The following SYT9 variants were observed in gnomAD, a reference collection of about 807,000 sequenced individuals.
SYT9 encodes synaptotagmin 9, also known as synaptotagmin-9.
Under a neutral mutation model 48.4 loss-of-function variants are expected in SYT9, and 22 were observed. The observed-to-expected ratio is 0.45, with a 90% CI of 0.32 to 0.65. The LOEUF is 0.65. SYT9 is among the 30% of genes least tolerant of loss of function. The probability of loss-of-function intolerance (pLI) is 0.03; values close to 1 mark genes in which losing one functional copy is unlikely to be tolerated. For synonymous variants in SYT9, 265 were observed against 245.0 expected (o/e 1.08, Z -0.76); for missense variants, 577 against 622.0 (o/e 0.93, Z 0.77).
chr11:7,305,795 C>T (rs1441444501), intron 2 of SYT9, among the ~76,000 whole-genome samples: 1 of 152,164 alleles, frequency 6.6e-6, no homozygotes, highest in Non-Finnish European at 1.5e-5. Flanking sequence ...CTCAGGGTTC[C>T]CAGTGCACGA....
chr11:7,350,974 A>G (rs181917151), intron 3 of SYT9, among the ~76,000 whole-genome samples: 3,775 of 152,328 alleles, frequency 0.025, 117 homozygotes, highest in African/African-American at 0.067. Flanking sequence ...ATTAGGCGTG[A>G]AGTAAGTATC....
intron 3 of SYT9, among the ~76,000 whole-genome samples, chr11:7,356,170 A>G (rs776612255): frequency 2.6e-5 from 4 of 152,216 alleles, no homozygotes; most frequent in Non-Finnish European, 5.9e-5. Flanking sequence ...GTTACAGTCA[A>G]AAAACGGTGA....
chr11:7,408,548 T>A (rs1414075864), intron 3 of SYT9, among the ~76,000 whole-genome samples: 1 of 152,226 alleles, frequency 6.6e-6, no homozygotes, highest in South Asian at 2.1e-4. Flanking sequence ...TATAGAGATC[T>A]TTCAACGCCT....
intron 1 of SYT9, among the ~76,000 whole-genome samples, chr11:7,261,034 C>T (rs1426496865): frequency 6.6e-6 from 1 of 152,194 alleles, no homozygotes; most frequent in Non-Finnish European, 1.5e-5. Flanking sequence ...CTGCCTAGTG[C>T]CCACCAAGCC....
intron 1 of SYT9, among the ~76,000 whole-genome samples, chr11:7,284,563 G>C (rs2133907980): frequency 6.6e-6 from 1 of 151,940 alleles, no homozygotes; most frequent in Non-Finnish European, 1.5e-5. Flanking sequence ...TAGCATTCTA[G>C]ATTCCTTAAG....
At chr11:7,422,171 A>C (rs1847368416) in intron 6 of SYT9, among the ~76,000 whole-genome samples, 2 of 152,172 alleles carry the variant, frequency 1.3e-5, no homozygotes, top group African/African-American at 2.4e-5. Flanking sequence ...TGAAGTGAAC[A>C]CAGGGCGGCT....
chr11:7,239,416 T>C (rs1288573230), intron 1 of SYT9, among the ~76,000 whole-genome samples: 1 of 152,172 alleles, frequency 6.6e-6, no homozygotes, highest in Non-Finnish European at 1.5e-5. Context: ...CTATAGACTT[T>C]CCTTCATGTC....
At chr11:7,415,260 A>G (rs1363916378) in intron 3 of SYT9, among the ~76,000 whole-genome samples, 2 of 152,162 alleles carry the variant, frequency 1.3e-5, no homozygotes, top group East Asian at 3.9e-4. Context: ...GGCTGTGTCC[A>G]GGGCTCTGAA....
intron 1 of SYT9, among the ~76,000 whole-genome samples, chr11:7,239,974 A>G (rs1847724515): frequency 6.6e-6 from 1 of 152,182 alleles, no homozygotes; most frequent in Admixed American, 6.5e-5. Flanking sequence ...TGAACTGGAG[A>G]GTCATCAGCA....
chr11:7,431,438 G>A (rs1028676460), intron 6 of SYT9, among the ~76,000 whole-genome samples: 11 of 152,204 alleles, frequency 7.2e-5, no homozygotes, highest in South Asian at 4.1e-4. Flanking sequence ...GCAGCCTACC[G>A]TGTGGCAGTA....
intron 3 of SYT9, among the ~76,000 whole-genome samples, chr11:7,334,745 C>G (rs1381194206): frequency 7.2e-6 from 1 of 138,116 alleles, no homozygotes; most frequent in African/African-American, 2.6e-5. Context: ...ACAGAAGGTA[C>G]TCCGCTTTTA....
At chr11:7,293,269 G>C (rs994602273) in intron 1 of SYT9, among the ~76,000 whole-genome samples, 7 of 152,108 alleles carry the variant, frequency 4.6e-5, no homozygotes, top group Non-Finnish European at 7.4e-5. Flanking sequence ...CTCTGTGTCA[G>C]TCACAAAAAA....
At chr11:7,253,350 A>G (rs1373389663) in intron 1 of SYT9, among the ~76,000 whole-genome samples, 2 of 152,248 alleles carry the variant, frequency 1.3e-5, no homozygotes, top group African/African-American at 4.8e-5. Flanking sequence ...ATGTATAAAT[A>G]TTGGAAATGA....
chr11:7,434,798 T>C (rs1040722336), intron 6 of SYT9, among the ~76,000 whole-genome samples: 4 of 152,212 alleles, frequency 2.6e-5, no homozygotes, highest in African/African-American at 7.2e-5. Flanking sequence ...ATTGTATTTA[T>C]GGGTGAGTAG....
At chr11:7,446,650 G>A (rs1590037085) in intron 6 of SYT9, among the ~76,000 whole-genome samples, 1 of 152,102 alleles carries the variant, frequency 6.6e-6, no homozygotes, top group South Asian at 2.1e-4. Flanking sequence ...GCCCTCCCTG[G>A]CCATCCCCCC....
At position 7,378,355 on chromosome 11, in the gene SYT9, G is replaced by A. The variant is rs1589983519; in HGVS notation, c.1045-37687G>A. 5.3e-5 allele frequency among the ~76,000 whole-genome samples: 8 copies of A among 152,178 alleles called. No homozygotes were observed. The South Asian group carries it at 1.7e-3, about 32-fold the overall frequency. On this transcript the variant is annotated intron_variant, in intron 3 of 6. Transcript: ENST00000318881. The stretch of plus-strand genomic sequence containing the variant: ...AACCTAAGAGCACCCAATATCCATG[G>A]AACGATTTAAGCTAGGAGTGAAATA...
chr11:7,306,000 C>G (rs1849023869), intron 2 of SYT9, among the ~76,000 whole-genome samples: 1 of 152,140 alleles, frequency 6.6e-6, no homozygotes. Flanking sequence ...AAGAATGTTT[C>G]TGGTCAGAAT....
intron 3 of SYT9, among the ~76,000 whole-genome samples, chr11:7,392,484 C>G (rs1163294333): frequency 6.6e-6 from 1 of 152,074 alleles, no homozygotes; most frequent in African/African-American, 2.4e-5. Context: ...CTACCAGTAC[C>G]ATATTCTTTT....
intron 1 of SYT9, among the ~76,000 whole-genome samples, chr11:7,290,674 C>T (rs1242038763): frequency 6.6e-6 from 1 of 152,116 alleles, no homozygotes; most frequent in African/African-American, 2.4e-5. Flanking sequence ...TTTTGTAACT[C>T]ATTAAATTTG....
Sources: allele counts gnomAD v4.1 joint callset (sites outside exome capture counted in the v4.1 genomes callset), GRCh38; gene constraint gnomAD v4.1.1; transcripts MANE v1.5; gene names NCBI Gene and HGNC (gene_info 2026-07-23, HGNC 2026-07-21).